Variants in DOCK3 observed in about 807,000 individuals in gnomAD.
DOCK3 encodes dedicator of cytokinesis protein 3.
A neutral mutation model predicts 265.6 loss-of-function variants in DOCK3; 60 were observed. That is an observed-to-expected ratio of 0.23 (90% CI 0.18 to 0.28). The LOEUF (loss-of-function observed/expected upper bound fraction) is 0.28. Ranked by LOEUF, DOCK3 falls within the 10% of genes least tolerant of loss-of-function variation. The pLI is 1.00. For missense variants in DOCK3, 1,981 were observed against 2,594.3 expected (o/e 0.76, Z 5.14); for synonymous variants, 881 against 938.0 (o/e 0.94, Z 1.11).
intron 5 of DOCK3, among the ~76,000 whole-genome samples, chr3:50,960,091 G>A (rs892076203): frequency 2.0e-5 from 3 of 152,092 alleles, no homozygotes; most frequent in Non-Finnish European, 4.4e-5. Context: ...TCCATTCTGT[G>A]AATAACATTT....
intron 12 of DOCK3, among the ~76,000 whole-genome samples, chr3:51,201,439 T>A (rs1397366861): frequency 6.6e-6 from 1 of 152,218 alleles, no homozygotes; most frequent in African/African-American, 2.4e-5. Flanking sequence ...ATTACAATAA[T>A]GGTAAAGGGA....
Position 51,381,505 on chromosome 3 carries a change from C to T in DOCK3, c.6039C>T (p.Ser2013=), listed in dbSNP as rs782645865. ...LHRKAPLPPG[S]AKEEQARMAW... Reference sequence around the variant, plus strand: ...GCAAGGCTCCATTGCCTCCTGGGAGCGCTAAGGAGGAGCAGGCCCGCATGG... The same window carrying T: ...GCAAGGCTCCATTGCCTCCTGGGAGTGCTAAGGAGGAGCAGGCCCGCATGG... The change falls in exon 53 of 53, where the codon AGC becomes AGT. Residue 2013 remains serine, a synonymous_variant. Coordinates refer to ENST00000266037, the MANE Select transcript of DOCK3 (RefSeq NM_004947.5). The surrounding 1 kb of genome is among the most constrained non-coding windows in gnomAD (Gnocchi z 5.6). The T allele has an allele frequency of 7.6e-6, 12 of 1,580,620 alleles. No homozygotes were observed. Among genetic ancestry groups the T allele is most frequent in the East Asian group, 6.9e-5 (3 of 43,306 alleles).
At chr3:51,009,867 A>T (rs1438238749) in intron 5 of DOCK3, among the ~76,000 whole-genome samples, 1 of 152,052 alleles carries the variant, frequency 6.6e-6, no homozygotes, top group Non-Finnish European at 1.5e-5. Flanking sequence ...GCCTTCATTT[A>T]ATTATTAACC....
intron 5 of DOCK3, among the ~76,000 whole-genome samples, chr3:51,024,039 G>A (rs1027612432): frequency 6.2e-4 from 95 of 152,116 alleles, no homozygotes; most frequent in African/African-American, 2.0e-3. Context: ...TTACTAGACT[G>A]TGTTTTCTTA....
At chr3:51,256,350 A>C (rs1231567910) in intron 22 of DOCK3, among the ~76,000 whole-genome samples, 1 of 152,170 alleles carries the variant, frequency 6.6e-6, no homozygotes, top group Non-Finnish European at 1.5e-5. Context: ...TGCTCAGTGC[A>C]ACCTCTGCCT....
intron 1 of DOCK3, among the ~76,000 whole-genome samples, chr3:50,715,922 G>T: frequency 6.6e-6 from 1 of 152,090 alleles, no homozygotes; most frequent in East Asian, 1.9e-4. Context: ...TAATACAACA[G>T]TCTTCTTTCC....
chr3:50,948,401 C>T (rs368721396), intron 5 of DOCK3, among the ~76,000 whole-genome samples: 40 of 98,638 alleles, frequency 4.1e-4, no homozygotes, highest in East Asian at 3.6e-3. Context: ...AAGTTTTAAT[C>T]TTTTTTTTTT....
intron 14 of DOCK3, among the ~76,000 whole-genome samples, chr3:51,221,415 C>T (rs1170280706): frequency 6.6e-6 from 1 of 152,136 alleles, no homozygotes; most frequent in African/African-American, 2.4e-5. Flanking sequence ...TACTTCTTGC[C>T]AGTGAAGAAT....
chr3:51,262,889 A>G (rs12635282), intron 23 of DOCK3, among the ~76,000 whole-genome samples: 138,746 of 152,158 alleles, frequency 0.91, 63,404 homozygotes, highest in African/African-American at 0.96. Flanking sequence ...GAAAAGGAAC[A>G]AACAAAGCCT....
At chr3:51,196,564 T>G (rs1385076030) in intron 12 of DOCK3, among the ~76,000 whole-genome samples, 1 of 152,220 alleles carries the variant, frequency 6.6e-6, no homozygotes. Flanking sequence ...CACAAAGGCT[T>G]TGCTCAGTCT....
chr3:51,251,975 T>A (rs1335001361), intron 22 of DOCK3, among the ~76,000 whole-genome samples: 1 of 152,244 alleles, frequency 6.6e-6, no homozygotes, highest in Non-Finnish European at 1.5e-5. Flanking sequence ...GGTTTTCTTC[T>A]AGGGTTTTTA....
intron 33 of DOCK3, among the ~76,000 whole-genome samples, chr3:51,332,339 G>T (rs1251728922): frequency 6.6e-6 from 1 of 152,254 alleles, no homozygotes; most frequent in Non-Finnish European, 1.5e-5. Flanking sequence ...GGCTTTTGGA[G>T]AAGCCAGGGG....
chr3:50,970,213 T>G lies in DOCK3; in HGVS notation c.315+36136T>G, dbSNP rs182399826. Among the ~76,000 whole-genome samples the G allele has an allele frequency of 2.3e-3, 356 of 152,354 alleles. 2 individuals are homozygous for G. The highest frequency in any genetic ancestry group is 8.2e-3 in the African/African-American group (343 of 41,596). On this transcript the variant is annotated intron_variant, in intron 5 of 52. Coordinates refer to ENST00000266037, the MANE Select transcript of DOCK3 (RefSeq NM_004947.5). ...AGGTGATTATATGCTTTTATTTTGC[T>G]GATTTTAGGATTTTTTCCTTTACGT... is the stretch of plus-strand genomic sequence containing the variant.
rs367918649 is a variant in DOCK3 at position 51,312,803 on chromosome 3, C to G, written c.3195-41C>G. 1.1e-4 allele frequency: 170 copies of G among 1,585,758 alleles called. No homozygotes were observed. In the African/African-American group the frequency reaches 1.2e-3, roughly 11 times the overall value. Reference sequence around the variant, plus strand: ...GGTTTGCAGCCCTATCCTCCTGAACCTTCTCCCACTAACGGTTGGCTCCTG... The same window carrying G: ...GGTTTGCAGCCCTATCCTCCTGAACGTTCTCCCACTAACGGTTGGCTCCTG... On this transcript the variant is annotated intron_variant, in intron 30 of 52. Transcript: ENST00000266037.
chr3:51,214,073 T>C, intron 13 of DOCK3, 49 bp from the exon 14 acceptor site: 5 of 1,611,260 alleles, frequency 3.1e-6, no homozygotes, highest in Non-Finnish European at 4.2e-6. Flanking sequence ...TCAAGTACTA[T>C]ATAACAGGGT....
intron 3 of DOCK3, among the ~76,000 whole-genome samples, chr3:50,865,461 G>A (rs935860538): frequency 2.0e-5 from 3 of 152,114 alleles, no homozygotes; most frequent in Non-Finnish European, 2.9e-5. Flanking sequence ...TTTCATCCAT[G>A]TTGTTGCAAA....
intron 46 of DOCK3, among the ~76,000 whole-genome samples, chr3:51,358,981 G>A (rs1169406103): frequency 2.0e-5 from 3 of 152,210 alleles, no homozygotes; most frequent in Non-Finnish European, 4.4e-5. Context: ...TAAGGGATAT[G>A]AGCCCAATTA....
chr3:51,078,771 A>T (rs1196290989), intron 7 of DOCK3, among the ~76,000 whole-genome samples: 1 of 152,188 alleles, frequency 6.6e-6, no homozygotes, highest in Non-Finnish European at 1.5e-5. Context: ...AATGCTCTTT[A>T]ACTCCTTTTC....
chr3:50,970,889 TTTTATATA>T (rs1420006366), intron 5 of DOCK3, among the ~76,000 whole-genome samples: 2,340 of 42,692 alleles, frequency 0.055, 455 homozygotes, highest in Non-Finnish European at 0.064. Context: ...CTCATCTAAT[TTTTATATA>T]TATATATATA....
Sources: gnomAD v4.1 joint callset for allele counts (sites outside exome capture counted in the v4.1 genomes callset) on GRCh38, gnomAD v4.1.1 for gene constraint, Gnocchi (gnomAD v3.1) non-coding constraint, MANE v1.5 for transcripts, NCBI Gene and HGNC (gene_info 2026-07-23, HGNC 2026-07-21) for gene names.